LRBA: variants seen among roughly 807,000 people sequenced by gnomAD.
LRBA encodes LPS responsive beige-like anchor protein.
A neutral mutation model predicts 330.0 loss-of-function variants in LRBA; 176 were observed. The observed-to-expected ratio is 0.53, with a 90% CI of 0.47 to 0.60. LRBA has a LOEUF of 0.60. Among genes scored for constraint, LRBA ranks in the 20% least tolerant of loss-of-function variants. LRBA has a pLI of 0.00. For missense variants in LRBA, 3,259 were observed against 3,444.8 expected, an observed-to-expected ratio of 0.95 and a Z score of 1.35; for synonymous variants, 1,230 against 1,193.0, an observed-to-expected ratio of 1.03 and a Z score of -0.64.
At chr4:150,354,482 C>T (rs13136928) in intron 47 of LRBA, among the ~76,000 whole-genome samples, 128,748 of 152,052 alleles carry the variant, frequency 0.85, 55,164 homozygotes, top group Non-Finnish European at 0.92. Context: ...GCATACATCA[C>T]TTACATCCAA....
chr4:150,751,308 A>G (rs1733507230), intron 35 of LRBA, among the ~76,000 whole-genome samples: 1 of 152,148 alleles, frequency 6.6e-6, no homozygotes, highest in Admixed American at 6.5e-5. Context: ...TTTTAAAATC[A>G]AAGTTTCTGA....
intron 9 of LRBA, 126 bp from the exon 10 acceptor site, chr4:150,908,983 C>A (rs992108977): frequency 3.2e-5 from 19 of 587,736 alleles, no homozygotes; most frequent in Non-Finnish European, 5.1e-5. Flanking sequence ...TATAAGAGGA[C>A]CCCTCGTTTA....
intron 48 of LRBA, among the ~76,000 whole-genome samples, chr4:150,330,910 C>T (rs1291691439): frequency 6.6e-6 from 1 of 152,100 alleles, no homozygotes; most frequent in Admixed American, 6.6e-5. Context: ...GGGACAAAAC[C>T]AAGCTTGAGA....
intron 13 of LRBA, among the ~76,000 whole-genome samples, chr4:150,902,163 T>C (rs552032194): frequency 6.6e-6 from 1 of 152,248 alleles, no homozygotes; most frequent in South Asian, 2.1e-4. Context: ...GATAAATTAT[T>C]ATAGGATAAA....
At chr4:150,973,712 A>G (rs1229520227) in intron 2 of LRBA, among the ~76,000 whole-genome samples, 1 of 152,170 alleles carries the variant, frequency 6.6e-6, no homozygotes, top group Non-Finnish European at 1.5e-5. Flanking sequence ...CCAACTCATG[A>G]CCAGACATGG....
In LRBA at chr4:150,583,035, C is replaced by T. The variant is rs1320646029; in HGVS notation, c.6330+5013G>A. 3.1e-6 allele frequency: 5 copies of T among 1,589,912 alleles called. No homozygotes were observed. The Admixed American group carries it at 8.6e-5, about 27-fold the overall frequency. Reference sequence around the variant, plus strand: ...GCCCGGACCTGTGCCCCAACATGATCGCCGCTCAGGCCAAGCTGGTTTACC... The same window carrying T: ...GCCCGGACCTGTGCCCCAACATGATTGCCGCTCAGGCCAAGCTGGTTTACC... On this transcript the variant is annotated intron_variant, in intron 40 of 56. Transcript: ENST00000651943. The surrounding 1 kb of genome is among the most constrained non-coding windows in gnomAD (Gnocchi z 9.8).
Position 150,364,894 on chromosome 4 carries a change from T to G in LRBA, c.7195-14735A>C, listed in dbSNP as rs1404311429. Among the ~76,000 whole-genome samples the G allele has an allele frequency of 2.0e-5, 3 of 151,970 alleles. No individual in the cohort carries two copies. In the East Asian group the frequency reaches 5.8e-4, roughly 29 times the overall value. On this transcript the variant is annotated intron_variant, in intron 47 of 56. Coordinates refer to ENST00000651943, the MANE Select transcript of LRBA (RefSeq NM_001364905.1). ...ATATTCTAGGCCTCTTTTTCATTAATGTAACCATATATTCACTATAATATT... is the reference window on the plus strand; with the variant it reads ...ATATTCTAGGCCTCTTTTTCATTAAGGTAACCATATATTCACTATAATATT...
At chr4:150,591,208 A>C (rs575182661) in intron 38 of LRBA, among the ~76,000 whole-genome samples, 1 of 152,210 alleles carries the variant, frequency 6.6e-6, no homozygotes, top group Admixed American at 6.5e-5. Context: ...TTTTGGAAAC[A>C]ATATTTAACA....
intron 37 of LRBA, among the ~76,000 whole-genome samples, chr4:150,612,182 T>C (rs1389483847): frequency 6.6e-6 from 1 of 152,048 alleles, no homozygotes; most frequent in Non-Finnish European, 1.5e-5. Flanking sequence ...ACTTTGTAAG[T>C]AACAGGAAGA....
intron 44 of LRBA, among the ~76,000 whole-genome samples, chr4:150,464,018 A>AC (rs1232840484): frequency 6.6e-6 from 1 of 151,410 alleles, no homozygotes; most frequent in Non-Finnish European, 1.5e-5. Context: ...TCAAAAAAAA[A>AC]AAAATAACCT....
At chr4:150,873,992 T>C (rs1332263682) in intron 17 of LRBA, among the ~76,000 whole-genome samples, 2 of 152,152 alleles carry the variant, frequency 1.3e-5, no homozygotes, top group South Asian at 4.1e-4. Flanking sequence ...ATTAGGAAAA[T>C]ACTAATATGT....
At chr4:150,432,744 A>T (rs1750606442) in intron 46 of LRBA, among the ~76,000 whole-genome samples, 1 of 151,964 alleles carries the variant, frequency 6.6e-6, no homozygotes, top group East Asian at 1.9e-4. Context: ...TCTCTATTAT[A>T]ATAATTTAAA....
chr4:150,526,190 G>A (rs10003280), intron 40 of LRBA, among the ~76,000 whole-genome samples: 1 of 152,022 alleles, frequency 6.6e-6, no homozygotes, highest in Non-Finnish European at 1.5e-5. Flanking sequence ...AGAGAAAAAA[G>A]AAAGGAAGAA....
intron 24 of LRBA, among the ~76,000 whole-genome samples, 194 bp downstream of exon 24, chr4:150,850,530 T>C (rs1750493887): frequency 6.6e-6 from 1 of 152,234 alleles, no homozygotes. Flanking sequence ...CTTTTCACAT[T>C]TTTGTAATCC....
intron 39 of LRBA, among the ~76,000 whole-genome samples, chr4:150,590,122 A>C (rs4309819): frequency 0.71 from 107,908 of 152,160 alleles, 45,035 homozygotes; most frequent in Non-Finnish European, 0.91. Flanking sequence ...AAAGTAAAAA[A>C]GCCATTTAAT....
intron 40 of LRBA, among the ~76,000 whole-genome samples, chr4:150,573,574 T>C (rs1213835986): frequency 6.6e-6 from 1 of 152,192 alleles, no homozygotes; most frequent in Non-Finnish European, 1.5e-5. Context: ...CAATTAGATC[T>C]CAATATGCTA....
chr4:150,994,563 A>T (rs1342415709), intron 2 of LRBA, among the ~76,000 whole-genome samples: 1 of 152,162 alleles, frequency 6.6e-6, no homozygotes, highest in Non-Finnish European at 1.5e-5. Context: ...AACACGCAAT[A>T]AAAAAAATCT....
At chr4:150,853,029 C>T (rs966994507) in intron 22 of LRBA, 86 bp from the exon 23 acceptor site, 15 of 672,166 alleles carry the variant, frequency 2.2e-5, no homozygotes, top group African/African-American at 3.7e-5. Context: ...TTTTCAAATA[C>T]ATAGTTTATA....
intron 40 of LRBA, among the ~76,000 whole-genome samples, chr4:150,533,358 G>A (rs1764254259): frequency 6.6e-6 from 1 of 151,798 alleles, no homozygotes; most frequent in South Asian, 2.1e-4. Context: ...TTTTTTTTAA[G>A]AGACAGGGTT....
Sources: allele counts gnomAD v4.1 joint callset (sites outside exome capture counted in the v4.1 genomes callset), GRCh38; gene constraint gnomAD v4.1.1; non-coding constraint Gnocchi (gnomAD v3.1); transcripts MANE v1.5; gene names NCBI Gene and HGNC (gene_info 2026-07-23, HGNC 2026-07-21).